Variants in EFHD1 observed in about 807,000 individuals in gnomAD.
EFHD1 encodes the protein EF-hand domain-containing protein D1.
In EFHD1, 10 loss-of-function variants were observed where a neutral mutation model predicts 17.2. The observed-to-expected ratio is 0.58, with a 90% confidence interval of 0.36 to 0.99. EFHD1 has a LOEUF of 0.99. Ranked by LOEUF, EFHD1 falls within the 50% of genes least tolerant of loss-of-function variation. The pLI is 0.01. For synonymous variants in EFHD1, 153 were observed against 142.0 expected (o/e 1.08, Z -0.55); for missense variants, 310 against 327.5 (o/e 0.95, Z 0.41).
At chr2:232,619,308 CTT>C (rs1553595135) in intron 1 of EFHD1, among the ~76,000 whole-genome samples, 17 of 145,212 alleles carry the variant, frequency 1.2e-4, no homozygotes, top group Non-Finnish European at 2.2e-4. Context: ...TTCTTTCTTT[CTT>C]TCTTTTTTTT....
At chr2:232,643,116 G>A (rs1045858900) in intron 1 of EFHD1, among the ~76,000 whole-genome samples, 11 of 151,342 alleles carry the variant, frequency 7.3e-5, no homozygotes, top group African/African-American at 2.7e-4. Context: ...CATCAGCTGC[G>A]ACAAAATCCA....
intron 3 of EFHD1, among the ~76,000 whole-genome samples, chr2:232,675,828 A>T (rs745760716): frequency 2.6e-5 from 4 of 152,058 alleles, no homozygotes; most frequent in Non-Finnish European, 4.4e-5. Flanking sequence ...TGGAGGAGGG[A>T]GATAAGTGCC....
chr2:232,659,519 C>T (rs983439717), intron 1 of EFHD1, among the ~76,000 whole-genome samples: 18 of 152,094 alleles, frequency 1.2e-4, no homozygotes, highest in African/African-American at 4.3e-4. Flanking sequence ...GGGAGCCTGT[C>T]AGGGATTCCT....
At chr2:232,622,000 G>A (rs1694025938) in intron 1 of EFHD1, among the ~76,000 whole-genome samples, 1 of 152,176 alleles carries the variant, frequency 6.6e-6, no homozygotes, top group Non-Finnish European at 1.5e-5. Flanking sequence ...AGAGAATTTG[G>A]GGAATTGAAT....
Position 232,633,772 on chromosome 2 carries a change from G to C in EFHD1, c.68G>C (p.Gly23Ala). 6.8e-7 allele frequency: 1 copy of C among 1,462,852 alleles called. No individual in the cohort carries two copies. The highest frequency in any genetic ancestry group is 9.0e-7 in the Non-Finnish European group (1 of 1,115,430). 90.6% of individuals were successfully genotyped at this position (1,462,852 alleles called of 1,614,324 possible). A position where few individuals can be genotyped will look rare whatever the true frequency, so the allele number is the denominator to read the frequency against. ...RLRREEAEES[G>A]PQLAPLGAPA... is the part of the protein sequence containing the mutation. ...CGGCGCGAGGAGGCCGAGGAGAGTGGCCCCCAGCTGGCTCCCCTCGGCGCC... is the reference window on the plus strand; with the variant it reads ...CGGCGCGAGGAGGCCGAGGAGAGTGCCCCCCAGCTGGCTCCCCTCGGCGCC... The change falls in exon 1 of 4, where the codon GGC (glycine) becomes GCC (alanine). Residue 23 changes from glycine (G) to alanine (A), a missense_variant. Physicochemically the swap from Gly to Ala is moderately conservative, Grantham distance 60. Transcript: ENST00000264059.
chr2:232,681,475 A>G (rs1695280849), intron 3 of EFHD1, 110 bp from the exon 4 acceptor site: 1 of 1,476,142 alleles, frequency 6.8e-7, no homozygotes, highest in African/African-American at 1.4e-5. Flanking sequence ...GTGGGCCCAC[A>G]TTCCCTTGTC....
At chr2:232,675,293 G>A (rs1199606020) in intron 3 of EFHD1, among the ~76,000 whole-genome samples, 1 of 152,132 alleles carries the variant, frequency 6.6e-6, no homozygotes, top group Admixed American at 6.5e-5. Context: ...TGGTGATCAG[G>A]AAACTGGGCC....
intron 1 of EFHD1, among the ~76,000 whole-genome samples, chr2:232,616,366 T>G (rs990359332): frequency 2.6e-5 from 4 of 151,976 alleles, no homozygotes; most frequent in Admixed American, 2.6e-4. Context: ...TGGCACAATC[T>G]CGGCTCACGG....
At chr2:232,633,076 G>T (rs945134762), upstream of EFHD1, among the ~76,000 whole-genome samples, 5 of 152,130 alleles carry the variant, frequency 3.3e-5, no homozygotes, top group Non-Finnish European at 7.3e-5. Flanking sequence ...GCATGTTTTG[G>T]AAACATTTCG....
At chr2:232,606,057 G>A in exon 1 of EFHD1, 5 of 1,370,338 alleles carry the variant, frequency 3.6e-6, no homozygotes, top group Non-Finnish European at 5.1e-6. Context: ...CGAGAGCCCC[G>A]CTAAGTGCAG....
At chr2:232,631,101 C>T (rs891982118), upstream of EFHD1, among the ~76,000 whole-genome samples, 6 of 152,130 alleles carry the variant, frequency 3.9e-5, no homozygotes, top group South Asian at 4.2e-4. Context: ...GTGGTGGGTG[C>T]CTGTAATCCC....
chr2:232,675,014 A>G (rs1047101075), intron 3 of EFHD1, among the ~76,000 whole-genome samples: 6 of 152,068 alleles, frequency 3.9e-5, no homozygotes, highest in Non-Finnish European at 8.8e-5. Flanking sequence ...CATCTCCACT[A>G]AAAATACAAA....
At chr2:232,678,528 T>C (rs1695218487) in intron 3 of EFHD1, among the ~76,000 whole-genome samples, 1 of 152,222 alleles carries the variant, frequency 6.6e-6, no homozygotes, top group Admixed American at 6.5e-5. Context: ...CTCATGCCTG[T>C]AATCCTAGGA....
At chr2:232,630,192 C>T (rs373181200), upstream of EFHD1, among the ~76,000 whole-genome samples, 11 of 152,118 alleles carry the variant, frequency 7.2e-5, 1 homozygote, top group East Asian at 5.8e-4. Context: ...TCAAATGTTC[C>T]ACCTGCCTCA....
intron 1 of EFHD1, among the ~76,000 whole-genome samples, chr2:232,615,926 A>G (rs1574700037): frequency 1.3e-5 from 2 of 152,276 alleles, no homozygotes; most frequent in East Asian, 3.9e-4. Context: ...ACCTTAGGTG[A>G]TCTGCCCACC....
intron 1 of EFHD1, among the ~76,000 whole-genome samples, chr2:232,635,946 C>A (rs1319918791): frequency 1.3e-5 from 2 of 152,134 alleles, no homozygotes; most frequent in African/African-American, 4.8e-5. Flanking sequence ...CCAAAATTGG[C>A]ATAAACAAAA....
At chr2:232,648,970 C>T (rs542066704) in intron 1 of EFHD1, among the ~76,000 whole-genome samples, 3 of 152,196 alleles carry the variant, frequency 2.0e-5, no homozygotes, top group Non-Finnish European at 4.4e-5. Context: ...CTCCTGAGAA[C>T]ACCCTATCTG....
chr2:232,653,591 G>A (rs1256916341), intron 1 of EFHD1, among the ~76,000 whole-genome samples: 2 of 152,178 alleles, frequency 1.3e-5, no homozygotes, highest in African/African-American at 4.8e-5. Context: ...CTCCCGGCCT[G>A]TGGTAGCTTT....
At chr2:232,627,014 GTCTCTC>G (rs34012045) in intron 1 of EFHD1, among the ~76,000 whole-genome samples, 67 of 69,760 alleles carry the variant, frequency 9.6e-4, no homozygotes, top group African/African-American at 2.8e-3. Context: ...GTGAGATCCT[GTCTCTC>G]TCTCTCTCTC....
Sources: gnomAD v4.1 joint callset for allele counts (sites outside exome capture counted in the v4.1 genomes callset) on GRCh38, gnomAD v4.1.1 for gene constraint, MANE v1.5 for transcripts, NCBI Gene and HGNC (gene_info 2026-07-23, HGNC 2026-07-21) for gene names.